PACS2: variants seen among roughly 807,000 people sequenced by gnomAD.
PACS2 encodes the protein phosphofurin acidic cluster sorting protein 2.
In PACS2, 36 loss-of-function variants were observed where a neutral mutation model predicts 113.0. That is an observed-to-expected ratio of 0.32 (90% CI 0.24 to 0.42). The LOEUF (loss-of-function observed/expected upper bound fraction) is 0.42, where lower values mean the gene tolerates loss of function less well. Among genes scored for constraint, PACS2 ranks in the 10% least tolerant of loss-of-function variants. The probability of loss-of-function intolerance (pLI) is 1.00; values close to 1 mark genes in which losing one functional copy is unlikely to be tolerated. For missense variants in PACS2, 1,015 were observed against 1,239.5 expected, an observed-to-expected ratio of 0.82 and a Z score of 2.72; for synonymous variants, 589 against 536.1, an observed-to-expected ratio of 1.10 and a Z score of -1.36.
Position 105,394,056 on chromosome 14 carries a change from A to AAAAG in PACS2, c.2597-498_2597-497insAAAG, listed in dbSNP as rs1273855602. On this transcript the variant is annotated intron_variant, in intron 24 of 24. Transcript: ENST00000447393. ...CCGCCTCAAAAAAAAAAAAAAAAAA[A>AAAAG]GGGGTTTTGGAGAAGATACTCTGCA... 7.0e-3 allele frequency among the ~76,000 whole-genome samples: 1,008 copies of AAAAG among 144,616 alleles called. 23 individuals are homozygous for AAAAG. Among genetic ancestry groups the AAAAG allele is most frequent in the African/African-American group, 0.025 (952 of 38,066 alleles). 94.9% of individuals were successfully genotyped at this position (144,616 alleles called of 152,430 possible).
At position 105,340,069 on chromosome 14, in the gene PACS2, G is replaced by A. The variant is rs887111200; in HGVS notation, c.120-8424G>A. Among the ~76,000 whole-genome samples the A allele has an allele frequency of 1.3e-5, 2 of 152,186 alleles. No individual in the cohort carries two copies. The highest frequency in any genetic ancestry group is 2.4e-5 in the African/African-American group (1 of 41,430). The stretch of plus-strand genomic sequence containing the variant: ...GCTGCGATTCCAAGTGTGAGCCACC[G>A]CGTCTGGCTAAGGAGTATTTTCCTT... On this transcript the variant is annotated intron_variant, in intron 1 of 24. Transcript: ENST00000447393. This position sits in a 1 kb window ranked among gnomAD's most constrained non-coding sequence, Gnocchi z 4.2.
At chr14:105,338,468 C>T (rs782126084) in intron 1 of PACS2, among the ~76,000 whole-genome samples, 50 of 152,272 alleles carry the variant, frequency 3.3e-4, no homozygotes, top group Non-Finnish European at 5.7e-4. Context: ...CCACCTTGTT[C>T]CTTGGGCCTC....
chr14:105,389,964 T>A lies in PACS2; in HGVS notation c.2037T>A (p.Pro679=). 6.2e-7 allele frequency: 1 copy of A among 1,613,784 alleles called. No individual in the cohort carries two copies. Among genetic ancestry groups the A allele is most frequent in the Middle Eastern group, 1.7e-4 (1 of 6,058 alleles). ...KHFHFDFTLS[P]DEESSQKFIP... ...CTGTCTGTTTCCTTGCTCTTAGCCC[T>A]GACGAAGAGTCCTCCCAAAAGTTCA... The change falls in exon 20 of 25, where the codon CCT becomes CCA. Residue 679 remains proline, a synonymous_variant. Coordinates refer to ENST00000447393, the MANE Select transcript of PACS2 (RefSeq NM_001100913.3).
intron 9 of PACS2, among the ~76,000 whole-genome samples, chr14:105,377,769 G>A (rs1049935675): frequency 1.1e-4 from 17 of 152,228 alleles, no homozygotes; most frequent in African/African-American, 4.1e-4. Flanking sequence ...ACAGGTGACC[G>A]CGGATGTGGC....
intron 1 of PACS2, among the ~76,000 whole-genome samples, chr14:105,320,743 C>T (rs28545538): frequency 0.12 from 17,563 of 152,182 alleles, 3,424 homozygotes; most frequent in African/African-American, 0.4. Flanking sequence ...CAGATTTTGG[C>T]GCTAAGATTT....
chr14:105,383,326 C>T, intron 15 of PACS2, 33 bp from the exon 16 acceptor site: 1 of 1,602,002 alleles, frequency 6.2e-7, no homozygotes, highest in Non-Finnish European at 8.5e-7. Context: ...AGGCGTCTGT[C>T]CCCTCTCCGT....
intron 8 of PACS2, among the ~76,000 whole-genome samples, chr14:105,373,778 A>T (rs11850681): frequency 0.05 from 7,417 of 149,774 alleles, 635 homozygotes; most frequent in African/African-American, 0.18. Context: ...CCAGAGTGAG[A>T]CCCTGTCTCA....
rs2080792971 is a variant in PACS2, at chr14:105,376,707, GC to G, written c.802-56del. ...TCCTGCAGACTCTGGGGTCTCGGGC[GC>G]CCCCAGTGGGGCAATGTGGGCTGCT... is the stretch of plus-strand genomic sequence containing the variant. On this transcript the variant is annotated intron_variant, in intron 8 of 24. Coordinates refer to ENST00000447393, the MANE Select transcript of PACS2 (RefSeq NM_001100913.3). The surrounding 1 kb of genome is among the most constrained non-coding windows in gnomAD (Gnocchi z 4.7). 1.9e-5 allele frequency: 29 copies of G among 1,553,828 alleles called. No individual in the cohort carries two copies. Among genetic ancestry groups the G allele is most frequent in the South Asian group, 1.8e-4 (16 of 87,610 alleles).
chr14:105,364,253 AGT>A (rs1382722361), intron 4 of PACS2, among the ~76,000 whole-genome samples: 12 of 151,464 alleles, frequency 7.9e-5, no homozygotes, highest in Admixed American at 7.9e-4. Flanking sequence ...AGCAGAGCAG[AGT>A]GAGGGCTGCA....
rs782814845 is a variant in PACS2 at position 105,352,397 on chromosome 14, G to A, written c.227G>A (p.Arg76Gln). ...VKMQGSKRIL[R>Q]SHEIVLPPSG... ...TCACAGGGCTCCAAACGAATCCTGCGGTCCCATGAGATTGTGCTGCCCCCC... is the reference window on the plus strand; with the variant it reads ...TCACAGGGCTCCAAACGAATCCTGCAGTCCCATGAGATTGTGCTGCCCCCC... The change falls in exon 3 of 25, where the codon CGG becomes CAG. Residue 76 changes from arginine (R) to glutamine (Q), a missense_variant. Transcript: ENST00000447393. 3 of 1,612,242 alleles carry A rather than the reference G, an allele frequency of 1.9e-6. No homozygotes were observed. Among genetic ancestry groups the A allele is most frequent in the South Asian group, 1.1e-5 (1 of 91,056 alleles).
intron 9 of PACS2, among the ~76,000 whole-genome samples, chr14:105,378,441 G>A (rs1555411028): frequency 6.6e-6 from 1 of 152,200 alleles, no homozygotes; most frequent in Non-Finnish European, 1.5e-5. Context: ...ATAAGGCCTT[G>A]CTCTGTCAGC....
At chr14:105,345,313 A>T (rs1363127432) in intron 1 of PACS2, among the ~76,000 whole-genome samples, 1 of 151,936 alleles carries the variant, frequency 6.6e-6, no homozygotes, top group Non-Finnish European at 1.5e-5. Flanking sequence ...AGGCTGAGGC[A>T]GGACAATAGC....
chr14:105,356,924 C>T lies in PACS2; in HGVS notation c.423+1747C>T, dbSNP rs587640535. Among the ~76,000 whole-genome samples, 60 of 148,150 alleles carry T rather than the reference C, an allele frequency of 4.0e-4. No homozygotes were observed. Among genetic ancestry groups the T allele is most frequent in the Non-Finnish European group, 7.2e-4 (49 of 67,626 alleles). ...GTCCCTGTGTTTCCCATTAGCCATGCAGGCGATGTCCTGCTGATCCCTGCC... is the reference window on the plus strand; with the variant it reads ...GTCCCTGTGTTTCCCATTAGCCATGTAGGCGATGTCCTGCTGATCCCTGCC... On this transcript the variant is annotated intron_variant, in intron 4 of 24. Transcript: ENST00000447393. The surrounding 1 kb of genome is among the most constrained non-coding windows in gnomAD (Gnocchi z 4.0).
chr14:105,335,705 C>T (rs587724193), intron 1 of PACS2, among the ~76,000 whole-genome samples: 62 of 152,312 alleles, frequency 4.1e-4, no homozygotes, highest in African/African-American at 1.5e-3. Flanking sequence ...TGACCACTGG[C>T]CAACGAGGAC....
At chr14:105,341,147 A>G (rs926683498) in intron 1 of PACS2, among the ~76,000 whole-genome samples, 5 of 152,266 alleles carry the variant, frequency 3.3e-5, no homozygotes, top group Non-Finnish European at 5.9e-5. Flanking sequence ...TATTTCTTCA[A>G]ATAGATCCCA....
intron 19 of PACS2, among the ~76,000 whole-genome samples, chr14:105,388,181 C>G (rs1034402857): frequency 1.1e-4 from 17 of 152,168 alleles, no homozygotes; most frequent in Non-Finnish European, 2.4e-4. Context: ...TGGTTTCATC[C>G]AGAGGCATTT....
At chr14:105,316,941 C>G (rs1017708261) in intron 1 of PACS2, among the ~76,000 whole-genome samples, 1 of 152,132 alleles carries the variant, frequency 6.6e-6, no homozygotes, top group Non-Finnish European at 1.5e-5. Context: ...GCAGTTTGTT[C>G]GTAGGACATG....
At chr14:105,310,682 C>A (rs1228774748), upstream of PACS2, among the ~76,000 whole-genome samples, 1 of 152,144 alleles carries the variant, frequency 6.6e-6, no homozygotes, top group South Asian at 2.1e-4. Context: ...AGCCAGATGG[C>A]GCCCGGCTCT....
intron 1 of PACS2, among the ~76,000 whole-genome samples, chr14:105,333,355 C>A (rs1335914931): frequency 1.3e-5 from 2 of 152,228 alleles, no homozygotes; most frequent in Non-Finnish European, 2.9e-5. Context: ...TGCCCCGTTG[C>A]AGGCGTTCCC....
Sources: gnomAD v4.1 joint callset for allele counts (sites outside exome capture counted in the v4.1 genomes callset) on GRCh38, gnomAD v4.1.1 for gene constraint, Gnocchi (gnomAD v3.1) non-coding constraint, MANE v1.5 for transcripts, NCBI Gene and HGNC (gene_info 2026-07-23, HGNC 2026-07-21) for gene names.